C1orf87: variants seen among roughly 807,000 people sequenced by gnomAD.
The protein encoded by C1orf87 is chromosome 1 open reading frame 87, also known as uncharacterized protein C1orf87.
Under a neutral mutation model 60.5 loss-of-function variants are expected in C1orf87, and 58 were observed. That is an observed-to-expected ratio of 0.96 (90% CI 0.78 to 1.19). C1orf87 has a LOEUF of 1.19. C1orf87 is among the 50% of genes most tolerant of loss of function. The pLI is 0.00. For missense variants in C1orf87, 673 were observed against 638.6 expected (o/e 1.05, Z -0.58); for synonymous variants, 236 against 227.4 (o/e 1.04, Z -0.34).
chr1:60,056,995 T>C (rs1645461855), intron 2 of C1orf87, among the ~76,000 whole-genome samples: 1 of 152,210 alleles, frequency 6.6e-6, no homozygotes, highest in Admixed American at 6.5e-5. Context: ...ATGTATATTT[T>C]TATAGTCATC....
chr1:60,040,345 G>A (rs1277528840), intron 4 of C1orf87, among the ~76,000 whole-genome samples, 165 bp from the exon 5 acceptor site: 1 of 152,208 alleles, frequency 6.6e-6, no homozygotes, highest in Admixed American at 6.5e-5. Flanking sequence ...TCAATCTGGT[G>A]TATTCATTAT....
intron 7 of C1orf87, among the ~76,000 whole-genome samples, chr1:60,030,867 T>C (rs1263509896): frequency 6.6e-6 from 1 of 152,236 alleles, no homozygotes; most frequent in Non-Finnish European, 1.5e-5. Context: ...AGATACTTTA[T>C]ATGCTTCTAT....
At chr1:60,072,825 T>G (rs921445546) in intron 1 of C1orf87, among the ~76,000 whole-genome samples, 155 bp from the exon 2 acceptor site, 1 of 152,224 alleles carries the variant, frequency 6.6e-6, no homozygotes, top group Non-Finnish European at 1.5e-5. Flanking sequence ...AGAAAGATAT[T>G]TTTAACTACT....
chr1:60,034,632 T>G, intron 6 of C1orf87, among the ~76,000 whole-genome samples: 1 of 152,350 alleles, frequency 6.6e-6, no homozygotes, highest in South Asian at 2.1e-4. Flanking sequence ...ACTGTGACAT[T>G]GCTGAATGAG....
intron 6 of C1orf87, among the ~76,000 whole-genome samples, chr1:60,037,332 CCTGT>C (rs1188321411): frequency 1.3e-5 from 2 of 152,154 alleles, no homozygotes; most frequent in Non-Finnish European, 2.9e-5. Context: ...GCAATTAGTG[CCTGT>C]CTAAGTCTAT....
intron 8 of C1orf87, among the ~76,000 whole-genome samples, chr1:60,017,341 T>G (rs1228707543): frequency 6.6e-6 from 1 of 152,206 alleles, no homozygotes. Flanking sequence ...TTCCTTCATC[T>G]TCTAAAATCC....
intron 2 of C1orf87, among the ~76,000 whole-genome samples, chr1:60,060,656 C>A (rs1286260350): frequency 6.6e-6 from 1 of 151,914 alleles, no homozygotes; most frequent in Admixed American, 6.6e-5. Flanking sequence ...TGTTATTTAC[C>A]AATCACAGTA....
At chr1:60,001,865 G>A (rs1321184672) in intron 9 of C1orf87, among the ~76,000 whole-genome samples, 2 of 152,058 alleles carry the variant, frequency 1.3e-5, no homozygotes, top group Non-Finnish European at 2.9e-5. Context: ...TGTTTTCCAG[G>A]TACTACTTGC....
intron 9 of C1orf87, among the ~76,000 whole-genome samples, chr1:60,001,760 A>C (rs1645007274): frequency 6.6e-6 from 1 of 152,084 alleles, no homozygotes; most frequent in Non-Finnish European, 1.5e-5. Flanking sequence ...AGGACCAGGC[A>C]CAACCTTTCT....
At chr1:60,062,969 C>T (rs1645507234) in intron 2 of C1orf87, among the ~76,000 whole-genome samples, 1 of 152,068 alleles carries the variant, frequency 6.6e-6, no homozygotes, top group South Asian at 2.1e-4. Context: ...CTTTATACTT[C>T]TCACAGTGCC....
At chr1:60,018,540 A>G (rs1574303513) in intron 8 of C1orf87, among the ~76,000 whole-genome samples, 2 of 152,068 alleles carry the variant, frequency 1.3e-5, no homozygotes, top group East Asian at 1.9e-4. Flanking sequence ...ACAAATATCT[A>G]TTGAGTCTCT....
intron 2 of C1orf87, among the ~76,000 whole-genome samples, chr1:60,056,652 C>T (rs1235113860): frequency 2.6e-5 from 4 of 152,204 alleles, no homozygotes; most frequent in Non-Finnish European, 5.9e-5. Context: ...CAGAAGTTAA[C>T]AGTATCTCCG....
intron 9 of C1orf87, among the ~76,000 whole-genome samples, chr1:60,009,370 C>T (rs2100254763): frequency 6.6e-6 from 1 of 152,154 alleles, no homozygotes; most frequent in South Asian, 2.1e-4. Context: ...GAGAGTCTGG[C>T]CATGCGTACA....
chr1:60,045,750 C>A (rs577669769), intron 3 of C1orf87, among the ~76,000 whole-genome samples: 2 of 152,270 alleles, frequency 1.3e-5, no homozygotes, highest in South Asian at 4.1e-4. Context: ...ATTATTGAGA[C>A]CCACGCCAGA....
intron 4 of C1orf87, among the ~76,000 whole-genome samples, 195 bp downstream of exon 4, chr1:60,040,796 T>G (rs973547819): frequency 1.3e-5 from 2 of 151,088 alleles, no homozygotes; most frequent in African/African-American, 4.9e-5. Flanking sequence ...TCTCACTATG[T>G]TGTCCAGGCT....
chr1:60,003,328 G>A (rs1381910719), intron 9 of C1orf87, among the ~76,000 whole-genome samples: 1 of 118,934 alleles, frequency 8.4e-6, no homozygotes, highest in East Asian at 3.0e-4. Context: ...TTGTGGGGTG[G>A]GGGGAGGGGG....
At chr1:60,065,423 C>T in intron 2 of C1orf87, among the ~76,000 whole-genome samples, 1 of 152,056 alleles carries the variant, frequency 6.6e-6, no homozygotes, top group East Asian at 1.9e-4. Context: ...AGCTGCTTAT[C>T]TCTGCACTGT....
intron 9 of C1orf87, chr1:60,008,675 T>G (rs1384168387): frequency 2.2e-6 from 1 of 456,046 alleles, no homozygotes; most frequent in African/African-American, 2.0e-5. Flanking sequence ...ACTGCTATAA[T>G]GTTTTTCAGC....
intron 8 of C1orf87, among the ~76,000 whole-genome samples, chr1:60,013,271 A>C (rs546769065): frequency 1.3e-4 from 20 of 151,768 alleles, no homozygotes; most frequent in Non-Finnish European, 2.8e-4. Flanking sequence ...CTTAGGTTGA[A>C]TCTCTATTCT....
Sources: allele counts gnomAD v4.1 joint callset (sites outside exome capture counted in the v4.1 genomes callset), GRCh38; gene constraint gnomAD v4.1.1; transcripts MANE v1.5; gene names NCBI Gene and HGNC (gene_info 2026-07-23, HGNC 2026-07-21).